The following ANKS4B variants were observed in gnomAD, a reference collection of about 807,000 sequenced individuals.
The protein encoded by ANKS4B is ankyrin repeat and SAM domain-containing protein 4B.
In ANKS4B, 21 loss-of-function variants were observed where a neutral mutation model predicts 20.2. The observed-to-expected ratio is 1.04, with a 90% CI of 0.74 to 1.50. ANKS4B has a LOEUF of 1.50. ANKS4B is among the 40% of genes most tolerant of loss of function. ANKS4B has a pLI of 0.00. For synonymous variants in ANKS4B, 179 were observed against 194.5 expected (o/e 0.92, Z 0.66); for missense variants, 473 against 494.6 (o/e 0.96, Z 0.41).
At chr16:21,247,579 G>T (rs760595066) in intron 1 of ANKS4B, among the ~76,000 whole-genome samples, 2 of 152,240 alleles carry the variant, frequency 1.3e-5, no homozygotes, top group African/African-American at 4.8e-5. Flanking sequence ...AGAGTTTAGT[G>T]AGATCCTGAT....
At position 21,249,844 on chromosome 16, in the gene ANKS4B, C is replaced by T; in HGVS notation, c.278C>T (p.Ala93Val). The T allele has an allele frequency of 3.7e-6, 6 of 1,614,154 alleles. No individual in the cohort carries two copies. The highest frequency in any genetic ancestry group is 1.1e-5 in the South Asian group (1 of 91,080). The change falls in exon 2 of 2, where the codon GCC becomes GTC. Residue 93 changes from alanine (A) to valine (V), a missense_variant. Ala to Val is a moderately conservative substitution (Grantham distance 64). Coordinates refer to ENST00000311620, the MANE Select transcript of ANKS4B (RefSeq NM_145865.3). ...GTCAACTTTGGTGCCAACATCTTTGCCCTGGATAATGACTTACAGACTCCA... is the reference window on the plus strand; with the variant it reads ...GTCAACTTTGGTGCCAACATCTTTGTCCTGGATAATGACTTACAGACTCCA... ...FLVNFGANIF[A>V]LDNDLQTPLD... is the part of the protein sequence containing the mutation.
intron 1 of ANKS4B, among the ~76,000 whole-genome samples, chr16:21,235,251 G>A (rs1026833201): frequency 6.6e-6 from 1 of 152,222 alleles, no homozygotes; most frequent in Non-Finnish European, 1.5e-5. Flanking sequence ...AAGCATTTAA[G>A]CTGGGATTAG....
chr16:21,241,305 ATAAG>A (rs754018223), intron 1 of ANKS4B, among the ~76,000 whole-genome samples: 60 of 152,200 alleles, frequency 3.9e-4, no homozygotes, highest in Non-Finnish European at 7.2e-4. Flanking sequence ...GCTCTCACTC[ATAAG>A]TAAGAATATG....
intron 1 of ANKS4B, among the ~76,000 whole-genome samples, chr16:21,247,314 C>T (rs1171087400): frequency 2.6e-5 from 4 of 152,136 alleles, no homozygotes; most frequent in East Asian, 1.9e-4. Context: ...CCACCCACCT[C>T]GACCTCCCAA....
intron 1 of ANKS4B, among the ~76,000 whole-genome samples, chr16:21,236,590 T>A (rs1318709278): frequency 6.6e-6 from 1 of 152,196 alleles, no homozygotes; most frequent in Non-Finnish European, 1.5e-5. Context: ...TTTTTATTTT[T>A]ACTAGAGACA....
chr16:21,237,919 T>TG (rs1408705974), intron 1 of ANKS4B, among the ~76,000 whole-genome samples: 6 of 152,214 alleles, frequency 3.9e-5, no homozygotes, highest in African/African-American at 1.4e-4. Context: ...CCCAGCACTT[T>TG]GGGAAGCCAA....
In ANKS4B at chr16:21,233,723, T is replaced by C. The variant is rs1485698408; in HGVS notation, c.-15T>C. On this transcript the variant is annotated 5_prime_UTR_variant, in exon 1 of 2. Transcript: ENST00000311620. ...CCTGGAGAGACATCTGGCCAAGTTC[T>C]GGTGAGCAGGAAAAATGTCTACTCG... 1 of 1,612,090 alleles carries C rather than the reference T, an allele frequency of 6.2e-7. No individual in the cohort carries two copies. The highest frequency in any genetic ancestry group is 8.5e-7 in the Non-Finnish European group (1 of 1,179,118).
Position 21,250,433 on chromosome 16 carries a change from T to C in ANKS4B, c.867T>C (p.Asp289=), listed in dbSNP as rs1423142247. 6.2e-7 allele frequency: 1 copy of C among 1,614,006 alleles called. No homozygotes were observed. The highest frequency in any genetic ancestry group is 1.7e-5 in the Admixed American group (1 of 59,992). ...NRISSPEDIS[D]SKREFGFKLP... ...TATCGAGTCCTGAAGACATCTCAGA[T>C]AGCAAGAGAGAGTTTGGTTTTAAAC... Residue 289 remains aspartate (D), a synonymous_variant, in exon 2 of 2, where the codon GAT becomes GAC. Coordinates refer to ENST00000311620, the MANE Select transcript of ANKS4B (RefSeq NM_145865.3).
chr16:21,246,184 T>G (rs548625602), intron 1 of ANKS4B, among the ~76,000 whole-genome samples: 1 of 152,222 alleles, frequency 6.6e-6, no homozygotes, highest in Admixed American at 6.5e-5. Context: ...ATGTGTTTAA[T>G]GTTGTGTTTG....
At chr16:21,247,497 C>CCCTCTACTTCTCGGGAATGTT (rs2093333865) in intron 1 of ANKS4B, among the ~76,000 whole-genome samples, 2 of 152,148 alleles carry the variant, frequency 1.3e-5, no homozygotes, top group Admixed American at 6.5e-5. Flanking sequence ...CTTCTGTCTG[C>CCCTCTACTTCTCGGGAATGTT]CCTCTACTTC....
At chr16:21,247,572 G>A (rs1446348717) in intron 1 of ANKS4B, among the ~76,000 whole-genome samples, 2 of 152,230 alleles carry the variant, frequency 1.3e-5, no homozygotes, top group African/African-American at 2.4e-5. Context: ...GCTGGCCAGA[G>A]TTTAGTGAGA....
intron 1 of ANKS4B, among the ~76,000 whole-genome samples, chr16:21,247,959 T>C (rs1373441274): frequency 6.6e-6 from 1 of 152,220 alleles, no homozygotes; most frequent in Non-Finnish European, 1.5e-5. Flanking sequence ...TGTAATGCCC[T>C]TTTAATGAAT....
chr16:21,239,801 C>G (rs1011079010), intron 1 of ANKS4B, among the ~76,000 whole-genome samples: 3 of 152,084 alleles, frequency 2.0e-5, no homozygotes, highest in African/African-American at 7.2e-5. Flanking sequence ...AGCGAGCTAA[C>G]GCAGGAACAG....
chr16:21,251,088 GGTT>G lies in ANKS4B; in HGVS notation c.*272_*274del. On this transcript the variant is annotated 3_prime_UTR_variant, in exon 2 of 2. Coordinates refer to ENST00000311620, the MANE Select transcript of ANKS4B (RefSeq NM_145865.3). ...TATATGTACATATAATTGTTTTTGT[GGTT>G]GTTTTGTTTTGTTTTGTTTTGTTTT... 1 of 389,084 alleles carries G rather than the reference GGTT, an allele frequency of 2.6e-6. No homozygotes were observed. 24.1% of individuals were successfully genotyped at this position (389,084 alleles called of 1,614,324 possible). A position where few individuals can be genotyped will look rare whatever the true frequency, so the allele number is the denominator to read the frequency against.
In ANKS4B at chr16:21,250,817, G is replaced by C; in HGVS notation, c.1251G>C (p.Leu417=). The change falls in exon 2 of 2, where the codon CTG becomes CTC. Residue 417 remains leucine (L), a synonymous_variant. Transcript: ENST00000311620. ...QQPGQLVDTS[L] ...CTGGGCAGCTGGTCGACACCAGCCT[G>C]TGATGGAGAGTTTTGGCCTGGAGCA... is the stretch of plus-strand genomic sequence containing the variant. The C allele has an allele frequency of 6.3e-7, 1 of 1,585,690 alleles. No individual in the cohort carries two copies. The highest frequency in any genetic ancestry group is 8.6e-7 in the Non-Finnish European group (1 of 1,160,662).
chr16:21,237,616 C>A (rs1269943211), intron 1 of ANKS4B, among the ~76,000 whole-genome samples: 4 of 150,290 alleles, frequency 2.7e-5, no homozygotes, highest in African/African-American at 9.8e-5. Flanking sequence ...AAGGCAAATT[C>A]CCTGTGTCAA....
chr16:21,238,408 T>C (rs1480298787), intron 1 of ANKS4B, among the ~76,000 whole-genome samples: 1 of 152,140 alleles, frequency 6.6e-6, no homozygotes, highest in Non-Finnish European at 1.5e-5. Flanking sequence ...CTTTGTCATA[T>C]AGGTTACAAC....
chr16:21,234,603 G>A (rs1297053144), intron 1 of ANKS4B, among the ~76,000 whole-genome samples: 4 of 151,958 alleles, frequency 2.6e-5, no homozygotes, highest in Non-Finnish European at 5.9e-5. Flanking sequence ...GCTAGGTTGT[G>A]TTGGCAACCG....
intron 1 of ANKS4B, among the ~76,000 whole-genome samples, chr16:21,240,437 T>C (rs568321004): frequency 6.6e-6 from 1 of 152,148 alleles, no homozygotes; most frequent in East Asian, 1.9e-4. Context: ...TACAGGTGCC[T>C]GCCACCACAC....
Sources: gnomAD v4.1 joint callset for allele counts (sites outside exome capture counted in the v4.1 genomes callset) on GRCh38, gnomAD v4.1.1 for gene constraint, MANE v1.5 for transcripts, NCBI Gene and HGNC (gene_info 2026-07-23, HGNC 2026-07-21) for gene names.